PAX5: variants seen among roughly 807,000 people sequenced by gnomAD.
PAX5 encodes the protein paired box 5.
Under a neutral mutation model 43.7 loss-of-function variants are expected in PAX5, and 9 were observed. That is an observed-to-expected ratio of 0.21 (90% CI 0.12 to 0.36). PAX5 has a LOEUF of 0.36. Ranked by LOEUF, PAX5 falls within the 10% of genes least tolerant of loss-of-function variation. PAX5 has a pLI of 1.00. For synonymous variants in PAX5, 228 were observed against 214.3 expected (o/e 1.06, Z -0.56); for missense variants, 383 against 532.7 (o/e 0.72, Z 2.77).
chr9:36,890,432 G>T (rs565184213), intron 7 of PAX5, among the ~76,000 whole-genome samples: 1 of 152,150 alleles, frequency 6.6e-6, no homozygotes, highest in Non-Finnish European at 1.5e-5. Context: ...AGCTCTTTGC[G>T]AACTGGCAAC....
chr9:37,003,122 A>C (rs977299527), intron 4 of PAX5, among the ~76,000 whole-genome samples: 1 of 145,698 alleles, frequency 6.9e-6, no homozygotes, highest in Non-Finnish European at 1.5e-5. Flanking sequence ...GAGGAGAAAG[A>C]GGGGAGCCGG....
chr9:37,012,764 G>A (rs899724961), intron 3 of PAX5, among the ~76,000 whole-genome samples: 2 of 152,130 alleles, frequency 1.3e-5, no homozygotes, highest in African/African-American at 2.4e-5. Flanking sequence ...GAGTGTTGAG[G>A]GGGAGTTCAC....
chr9:36,837,993 G>T lies in PAX5; in HGVS notation c.*2567C>A. 1 of 233,240 alleles carries T rather than the reference G, an allele frequency of 4.3e-6. No individual in the cohort carries two copies. The highest frequency in any genetic ancestry group is 6.0e-5 in the East Asian group (1 of 16,558). 14.4% of individuals were successfully genotyped at this position (233,240 alleles called of 1,614,324 possible). A position where few individuals can be genotyped will look rare whatever the true frequency, so the allele number is the denominator to read the frequency against. ...CAAAAGAAGGGTGACAGGGGGCAGA[G>T]GCTCAAGAAGTCTGTGCTGAAGACC... On this transcript the variant is annotated 3_prime_UTR_variant, in exon 10 of 10. Coordinates refer to ENST00000358127, the MANE Select transcript of PAX5 (RefSeq NM_016734.3).
At chr9:36,988,468 C>G (rs1390604384) in intron 5 of PAX5, among the ~76,000 whole-genome samples, 1 of 151,928 alleles carries the variant, frequency 6.6e-6, no homozygotes, top group African/African-American at 2.4e-5. Context: ...CAAGACCAGC[C>G]TAGGCAACAA....
intron 7 of PAX5, among the ~76,000 whole-genome samples, chr9:36,901,170 G>A (rs1828355846): frequency 6.6e-6 from 1 of 151,998 alleles, no homozygotes; most frequent in South Asian, 2.1e-4. Flanking sequence ...ACTCTCCTCA[G>A]GGCTCCCAGC....
intron 3 of PAX5, among the ~76,000 whole-genome samples, chr9:37,006,912 T>G (rs1449776513): frequency 6.6e-6 from 1 of 152,160 alleles, no homozygotes; most frequent in Non-Finnish European, 1.5e-5. Context: ...AGGGAGTCCT[T>G]CCCTTTCCTA....
intron 5 of PAX5, among the ~76,000 whole-genome samples, chr9:36,996,098 T>G (rs1291337837): frequency 6.6e-6 from 1 of 152,214 alleles, no homozygotes; most frequent in African/African-American, 2.4e-5. Context: ...GCTCCGTGGC[T>G]CCACAGCTCC....
chr9:37,033,045 G>A (rs1475405248), intron 1 of PAX5, among the ~76,000 whole-genome samples: 1 of 152,238 alleles, frequency 6.6e-6, no homozygotes. Flanking sequence ...CAGTGTCAGA[G>A]GCTTGTCTAG....
intron 4 of PAX5, 41 bp from the exon 5 acceptor site, chr9:37,002,817 G>T: frequency 6.3e-7 from 1 of 1,575,662 alleles, no homozygotes; most frequent in African/African-American, 1.3e-5. Flanking sequence ...GCAGAGGGCT[G>T]AGGGCGGCGG....
chr9:37,030,135 T>C (rs1840836362), intron 1 of PAX5, among the ~76,000 whole-genome samples: 1 of 152,162 alleles, frequency 6.6e-6, no homozygotes. Context: ...CGGGACAGTG[T>C]TCTGCTGCGT....
At chr9:36,988,050 C>T (rs918871637) in intron 5 of PAX5, among the ~76,000 whole-genome samples, 5 of 151,650 alleles carry the variant, frequency 3.3e-5, no homozygotes, top group African/African-American at 1.2e-4. Flanking sequence ...GGGGGAGCGG[C>T]GGGGAGCGGG....
intron 8 of PAX5, among the ~76,000 whole-genome samples, chr9:36,860,501 C>T (rs1824114422): frequency 6.6e-6 from 1 of 152,116 alleles, no homozygotes; most frequent in South Asian, 2.1e-4. Flanking sequence ...AGACAGGGGG[C>T]AGGGACTCGG....
intron 5 of PAX5, among the ~76,000 whole-genome samples, chr9:36,967,700 C>A (rs1834563501): frequency 6.6e-6 from 1 of 152,134 alleles, no homozygotes; most frequent in South Asian, 2.1e-4. Context: ...ACAGTGGTTG[C>A]TCATTCAGGG....
Position 36,966,713 on chromosome 9 carries a change from A to G in PAX5, c.616T>C (p.Ser206Pro), listed in dbSNP as rs767732676. The G allele has an allele frequency of 8.1e-6, 13 of 1,613,142 alleles. No individual in the cohort carries two copies. The South Asian group carries it at 1.4e-4, about 18-fold the overall frequency. Residue 206 changes from serine (S) to proline (P), a missense_variant, in exon 6 of 10, where the codon TCT (serine) becomes CCT (proline). This residue lies in a region of PAX5 where 291 missense variants were observed against 342.5 expected (regional missense o/e 0.85). Transcript: ENST00000358127. The stretch of plus-strand genomic sequence containing the variant: ...AGCGAGTGGCCGTTCGGCACCGGAG[A>G]CTCCTGAATACCTTTGATGAGCAGG... ...KRKRDEGIQE[S>P]PVPNGHSLPG... is the part of the protein sequence containing the mutation.
intron 5 of PAX5, among the ~76,000 whole-genome samples, chr9:36,998,780 A>G (rs1837612108): frequency 6.6e-6 from 1 of 152,268 alleles, no homozygotes; most frequent in South Asian, 2.1e-4. Flanking sequence ...GAGATGTACT[A>G]CATGTGTAAA....
chr9:36,847,379 C>A (rs545658931), intron 8 of PAX5, among the ~76,000 whole-genome samples: 6 of 152,328 alleles, frequency 3.9e-5, no homozygotes, highest in East Asian at 1.9e-4. Flanking sequence ...TTCTACCCCC[C>A]ACCTGCTGAT....
At position 36,835,763 on chromosome 9, in the gene PAX5, G is replaced by A. The variant is rs1821597550; in HGVS notation, c.*4797C>T. 4.3e-6 allele frequency: 1 copy of A among 233,324 alleles called. No individual in the cohort carries two copies. The highest frequency in any genetic ancestry group is 6.0e-5 in the East Asian group (1 of 16,572). The allele number at this position is 233,324 out of a possible 1,614,324, so 14.5% of individuals were successfully genotyped here. ...GAACCATCAGAGCAGCCTCTCGATG[G>A]GTGACAAGGCCAAGACTGCAGAACT... On this transcript the variant is annotated 3_prime_UTR_variant, in exon 10 of 10. Coordinates refer to ENST00000358127, the MANE Select transcript of PAX5 (RefSeq NM_016734.3).
chr9:36,985,728 G>T (rs953811685), intron 5 of PAX5, among the ~76,000 whole-genome samples: 3 of 152,122 alleles, frequency 2.0e-5, no homozygotes, highest in South Asian at 4.1e-4. Flanking sequence ...TCCCTCCAGG[G>T]CGCAAAGCAC....
intron 5 of PAX5, among the ~76,000 whole-genome samples, chr9:36,973,351 T>C (rs1835137852): frequency 6.6e-6 from 1 of 152,012 alleles, no homozygotes; most frequent in Admixed American, 6.6e-5. Context: ...CTTGTGAAGA[T>C]GGGGGACAGA....
Sources: gnomAD v4.1 joint callset for allele counts (sites outside exome capture counted in the v4.1 genomes callset) on GRCh38, gnomAD v4.1.1 for gene constraint, gnomAD v4.1.1 regional missense constraint, MANE v1.5 for transcripts, NCBI Gene and HGNC (gene_info 2026-07-23, HGNC 2026-07-21) for gene names.